The following SMYD3 variants were observed in gnomAD, a reference collection of about 807,000 sequenced individuals.
The protein encoded by SMYD3 is histone-lysine N-methyltransferase SMYD3.
Under a neutral mutation model 57.7 loss-of-function variants are expected in SMYD3, and 36 were observed. The ratio of observed to expected loss-of-function variants is 0.62; its 90% confidence interval spans 0.48 to 0.82. The LOEUF is 0.82. Ranked by LOEUF, SMYD3 falls within the 40% of genes least tolerant of loss-of-function variation. The pLI is 0.00. For missense variants in SMYD3, 515 were observed against 538.8 expected (o/e 0.96, Z 0.44); for synonymous variants, 211 against 195.0 (o/e 1.08, Z -0.68).
rs1222627012 is a variant in SMYD3, at chr1:246,002,472, C to T, written c.532-72535G>A. Reference sequence around the variant, plus strand: ...GTGCTGGGATTACAGGCGCCCGCCACCACGCCCGGCTAATTTTTTGTATTT... The same window carrying T: ...GTGCTGGGATTACAGGCGCCCGCCATCACGCCCGGCTAATTTTTTGTATTT... On this transcript the variant is annotated intron_variant, in intron 5 of 11. Coordinates refer to ENST00000490107, the MANE Select transcript of SMYD3 (RefSeq NM_001167740.2). Among the ~76,000 whole-genome samples, 41 of 53,934 alleles carry T rather than the reference C, an allele frequency of 7.6e-4. 2 individuals are homozygous for T. Among genetic ancestry groups the T allele is most frequent in the South Asian group, 3.2e-3 (4 of 1,236 alleles). 35.4% of individuals were successfully genotyped at this position (53,934 alleles called of 152,430 possible). A position where few individuals can be genotyped will look rare whatever the true frequency, so the allele number is the denominator to read the frequency against.
At chr1:245,958,418 A>T (rs2057912451) in intron 5 of SMYD3, among the ~76,000 whole-genome samples, 1 of 152,082 alleles carries the variant, frequency 6.6e-6, no homozygotes, top group Non-Finnish European at 1.5e-5. Flanking sequence ...ACAGAACACC[A>T]TACACCATTT....
intron 5 of SMYD3, among the ~76,000 whole-genome samples, chr1:246,299,959 T>C (rs1321504973): frequency 1.3e-5 from 2 of 151,568 alleles, no homozygotes; most frequent in African/African-American, 2.4e-5. Context: ...CAAACCCTCA[T>C]GATACGAGTT....
rs1572525075 is a variant in SMYD3 at position 246,466,866 on chromosome 1, T to TA, written c.164+40187dup. Among the ~76,000 whole-genome samples the TA allele has an allele frequency of 3.3e-5, 5 of 151,482 alleles. No individual in the cohort carries two copies. The South Asian group carries it at 1.0e-3, about 32-fold the overall frequency. On this transcript the variant is annotated intron_variant, in intron 1 of 11. Coordinates refer to ENST00000490107, the MANE Select transcript of SMYD3 (RefSeq NM_001167740.2). ...CTGTCTCAAAAAGAATAATAATTTT[T>TA]AAAATTTTTTTTTTAAAAATGCTGG...
chr1:246,469,400 G>C (rs1256287130), intron 1 of SMYD3, among the ~76,000 whole-genome samples: 1 of 152,206 alleles, frequency 6.6e-6, no homozygotes, highest in East Asian at 1.9e-4. Context: ...GCTGAAACCA[G>C]GCTGAGAAGG....
intron 5 of SMYD3, among the ~76,000 whole-genome samples, chr1:246,105,263 T>C (rs1266559704): frequency 6.6e-6 from 1 of 152,076 alleles, no homozygotes; most frequent in Non-Finnish European, 1.5e-5. Context: ...GGGGACAGAG[T>C]TCAGGAACCT....
At chr1:246,405,351 T>C (rs1327489831) in intron 1 of SMYD3, among the ~76,000 whole-genome samples, 1 of 152,302 alleles carries the variant, frequency 6.6e-6, no homozygotes, top group African/African-American at 2.4e-5. Flanking sequence ...TTATTTGTGT[T>C]GGTAACACTC....
At chr1:245,930,864 T>C (rs2056673992) in intron 5 of SMYD3, 1 of 152,162 alleles carries the variant, frequency 6.6e-6, no homozygotes, top group Non-Finnish European at 1.5e-5. Flanking sequence ...GAAAAAAAGT[T>C]GTCAAGAAAG....
chr1:246,343,067 T>A (rs1031647477), intron 2 of SMYD3, among the ~76,000 whole-genome samples: 1 of 152,222 alleles, frequency 6.6e-6, no homozygotes, highest in Non-Finnish European at 1.5e-5. Context: ...TCATGCTACA[T>A]CAGAGTTGAA....
At chr1:246,326,470 A>G (rs2065351904) in intron 5 of SMYD3, 1 of 600,962 alleles carries the variant, frequency 1.7e-6, no homozygotes. Context: ...AATCATTTAA[A>G]AAAAAAAAAA....
intron 5 of SMYD3, among the ~76,000 whole-genome samples, chr1:246,088,597 G>A (rs71638314): frequency 0.02 from 1,700 of 84,626 alleles, 27 homozygotes; most frequent in Non-Finnish European, 0.027. Context: ...GCGACAGGGC[G>A]AGACTCCGTC....
chr1:246,249,160 G>A (rs981871322), intron 5 of SMYD3, among the ~76,000 whole-genome samples: 10 of 151,930 alleles, frequency 6.6e-5, no homozygotes, highest in Non-Finnish European at 1.3e-4. Context: ...CACCCAGGCT[G>A]GAGCAAAGTG....
rs573194863 is a variant in SMYD3, at chr1:246,465,043, C to G, written c.164+42011G>C. 1.2e-4 allele frequency among the ~76,000 whole-genome samples: 18 copies of G among 152,250 alleles called. No individual in the cohort carries two copies. In the South Asian group the frequency reaches 3.1e-3, roughly 26 times the overall value. ...TTCCTTCGCCACTCCCACTGCTTTA[C>G]TTGACAAGAAAAAAAGAAACAAAGA... On this transcript the variant is annotated intron_variant, in intron 1 of 11. Coordinates refer to ENST00000490107, the MANE Select transcript of SMYD3 (RefSeq NM_001167740.2).
At chr1:246,046,031 T>C (rs1443698525) in intron 5 of SMYD3, among the ~76,000 whole-genome samples, 1 of 152,250 alleles carries the variant, frequency 6.6e-6, no homozygotes, top group Non-Finnish European at 1.5e-5. Flanking sequence ...TTGGTGGGAC[T>C]GTAAACTAGT....
chr1:246,288,392 A>G (rs148977051), intron 5 of SMYD3, among the ~76,000 whole-genome samples: 33 of 152,216 alleles, frequency 2.2e-4, no homozygotes, highest in African/African-American at 7.2e-4. Flanking sequence ...ATCCACACAC[A>G]ACAGGAGGGA....
At chr1:246,327,034 C>T in intron 5 of SMYD3, 167 bp downstream of exon 5, 1 of 751,280 alleles carries the variant, frequency 1.3e-6, no homozygotes, top group Non-Finnish European at 2.2e-6. Context: ...CTTCTCAATG[C>T]ACACAATACA....
At chr1:246,001,947 G>T (rs972957967) in intron 5 of SMYD3, among the ~76,000 whole-genome samples, 2 of 152,108 alleles carry the variant, frequency 1.3e-5, no homozygotes, top group African/African-American at 4.8e-5. Context: ...TTCCAGCTCT[G>T]GTTTCCAGCT....
At chr1:245,784,843 ATTTTTTTTTTT>A (rs74163079) in intron 10 of SMYD3, among the ~76,000 whole-genome samples, 1 of 115,736 alleles carries the variant, frequency 8.6e-6, no homozygotes, top group African/African-American at 3.6e-5. Context: ...TTTAGACTGA[ATTTTTTTTTTT>A]TTTTTTTTTT....
chr1:246,338,207 CTG>C, intron 2 of SMYD3, among the ~76,000 whole-genome samples: 2 of 152,260 alleles, frequency 1.3e-5, no homozygotes, highest in Admixed American at 1.3e-4. Flanking sequence ...AAAACATTAA[CTG>C]TTAAAATTTA....
chr1:246,224,724 G>A (rs1051489295), intron 5 of SMYD3, among the ~76,000 whole-genome samples: 4 of 152,162 alleles, frequency 2.6e-5, no homozygotes, highest in Middle Eastern at 3.4e-3. Context: ...AAAGAAAGCA[G>A]GGGAAACAGA....
Sources: gnomAD v4.1 joint callset for allele counts (sites outside exome capture counted in the v4.1 genomes callset) on GRCh38, gnomAD v4.1.1 for gene constraint, MANE v1.5 for transcripts, NCBI Gene and HGNC (gene_info 2026-07-23, HGNC 2026-07-21) for gene names.